PRH1: variants seen among roughly 807,000 people sequenced by gnomAD.
PRH1 encodes salivary acidic proline-rich phosphoprotein 1/2.
Under a neutral mutation model 7.9 loss-of-function variants are expected in PRH1, and 7 were observed. The ratio of observed to expected loss-of-function variants is 0.89; its 90% CI spans 0.50 to 1.67. The LOEUF is 1.67. Among genes scored for constraint, PRH1 ranks in the 40% most tolerant of loss-of-function variants. The pLI, the probability that PRH1 is intolerant of heterozygous loss-of-function variation, is 0.00. For missense variants in PRH1, 109 were observed against 223.6 expected, an observed-to-expected ratio of 0.49 and a Z score of 3.27; for synonymous variants, 45 against 80.8, an observed-to-expected ratio of 0.56 and a Z score of 2.38.
At chr12:10,953,355 C>T (rs1427691628) in intron 2 of PRH1, among the ~76,000 whole-genome samples, 1 of 152,144 alleles carries the variant, frequency 6.6e-6, no homozygotes, top group Non-Finnish European at 1.5e-5. Context: ...TCCAAAGATT[C>T]TGAGGAACGC....
At chr12:11,050,141 A>G (rs189526070), upstream of PRH1, among the ~76,000 whole-genome samples, 1 of 152,108 alleles carries the variant, frequency 6.6e-6, no homozygotes, top group African/African-American at 2.4e-5. Context: ...TAAGACACAC[A>G]CAGAAATATA....
rs1946976475 is a variant in PRH1 at position 11,149,108 on chromosome 12, T to C, written n.39+22314A>G. On this transcript the variant is annotated intron_variant and non_coding_transcript_variant, in intron 1 of 1. Coordinates refer to the PRH1 transcript ENST00000541175. The stretch of plus-strand genomic sequence containing the variant: ...TGTAGTATTCTCTGATGGTAGTTTG[T>C]ATTTCTGTGGGATCGGTGGTGATAT... 1.3e-5 allele frequency among the ~76,000 whole-genome samples: 2 copies of C among 152,016 alleles called. 1 individual carries two copies. Among genetic ancestry groups the C allele is most frequent in the South Asian group, 4.2e-4 (2 of 4,818 alleles).
chr12:10,908,498 C>T, intron 2 of PRH1: 1 of 1,613,920 alleles, frequency 6.2e-7, no homozygotes, highest in Non-Finnish European at 8.5e-7. Context: ...CTCCAATCGT[C>T]TCACAAAGCA....
At chr12:11,078,157 A>G in intron 1 of PRH1, 1 of 552,314 alleles carries the variant, frequency 1.8e-6, no homozygotes, top group South Asian at 1.8e-5. Flanking sequence ...GACATTTACT[A>G]GAGCTATGAA....
At chr12:11,084,571 C>T (rs1004967104) in intron 1 of PRH1, among the ~76,000 whole-genome samples, 2 of 145,788 alleles carry the variant, frequency 1.4e-5, no homozygotes, top group African/African-American at 2.5e-5. Context: ...TATGAAAATT[C>T]CCATTACTTC....
chr12:10,890,256 C>A (rs555218630), intron 2 of PRH1, among the ~76,000 whole-genome samples: 1 of 152,254 alleles, frequency 6.6e-6, no homozygotes, highest in South Asian at 2.1e-4. Flanking sequence ...CTGGGTCAAT[C>A]TCTCTGGCAC....
In PRH1 at chr12:10,923,180, C is replaced by A. The variant is rs57309916; in HGVS notation, c.-58-38905G>T. Among the ~76,000 whole-genome samples the A allele has an allele frequency of 7.3e-3, 1,058 of 144,622 alleles. 12 individuals carry two copies. The highest frequency in any genetic ancestry group is 0.026 in the African/African-American group (994 of 38,948). The allele number at this position is 144,622 out of a possible 152,430, so 94.9% of individuals were successfully genotyped here. A position where few individuals can be genotyped will look rare whatever the true frequency, so the allele number is the denominator to read the frequency against. On this transcript the variant is annotated intron_variant, in intron 2 of 3. Coordinates refer to the PRH1 transcript ENST00000539853. Reference sequence around the variant, plus strand: ...TGCTCTTGTTGCCCAGGCTGGAGTTCAATGGTGTGATCTTGGCTCAGTGCC... The same window carrying A: ...TGCTCTTGTTGCCCAGGCTGGAGTTAAATGGTGTGATCTTGGCTCAGTGCC...
chr12:10,949,692 A>G (rs1475429149), intron 2 of PRH1, among the ~76,000 whole-genome samples: 2 of 152,114 alleles, frequency 1.3e-5, no homozygotes, highest in East Asian at 1.9e-4. Flanking sequence ...CGAACATAAC[A>G]TAGTTATGAA....
chr12:11,052,888 ACT>A (rs536867565), intron 1 of PRH1, among the ~76,000 whole-genome samples: 136 of 150,398 alleles, frequency 9.0e-4, no homozygotes, highest in African/African-American at 2.6e-3. Flanking sequence ...TACTCTTAAC[ACT>A]CTGTTCTTTT....
chr12:10,952,978 G>T (rs530904866), intron 2 of PRH1, among the ~76,000 whole-genome samples: 1 of 152,136 alleles, frequency 6.6e-6, no homozygotes, highest in African/African-American at 2.4e-5. Flanking sequence ...ATGTTGAGGT[G>T]CCAGAGAACA....
At chr12:10,957,253 T>C (rs1938013163) in intron 2 of PRH1, among the ~76,000 whole-genome samples, 1 of 151,636 alleles carries the variant, frequency 6.6e-6, no homozygotes, top group Admixed American at 6.6e-5. Context: ...ACCCGAGAAA[T>C]AATGCCACCC....
At chr12:10,997,974 G>T in intron 1 of PRH1, 1 of 736,230 alleles carries the variant, frequency 1.4e-6, no homozygotes, top group Non-Finnish European at 2.2e-6. Context: ...CTTGATTCCT[G>T]AATGTCCAAT....
At chr12:11,091,765 T>C (rs751636330) in intron 1 of PRH1, 1 of 1,352,290 alleles carries the variant, frequency 7.4e-7, no homozygotes, top group Non-Finnish European at 1.1e-6. Context: ...CAAATTCTTT[T>C]GTCCGCACAA....
chr12:10,930,414 G>C, intron 2 of PRH1: 1 of 1,495,086 alleles, frequency 6.7e-7, no homozygotes, highest in Non-Finnish European at 9.2e-7. Flanking sequence ...TAATATCAGT[G>C]CCCCAGAGAT....
At chr12:11,134,044 A>C in intron 1 of PRH1, 1 of 1,614,140 alleles carries the variant, frequency 6.2e-7, no homozygotes, top group Non-Finnish European at 8.5e-7. Flanking sequence ...ACTGAGTTGC[A>C]TACCAATGTA....
intron 2 of PRH1, among the ~76,000 whole-genome samples, chr12:10,969,481 C>A (rs1938684649): frequency 6.6e-6 from 1 of 152,128 alleles, no homozygotes; most frequent in Admixed American, 6.5e-5. Flanking sequence ...AATTTCCCAG[C>A]CTCCTGCTCC....
At chr12:10,923,887 G>T (rs1950086180) in intron 2 of PRH1, among the ~76,000 whole-genome samples, 1 of 150,004 alleles carries the variant, frequency 6.7e-6, no homozygotes, top group Non-Finnish European at 1.5e-5. Flanking sequence ...CATTGAACTT[G>T]CTTTTACTGT....
intron 1 of PRH1, chr12:11,061,796 T>C (rs746321853): frequency 6.2e-7 from 1 of 1,614,172 alleles, no homozygotes; most frequent in Non-Finnish European, 8.5e-7. Flanking sequence ...CTCCTCAGTT[T>C]GATCTTCCAA....
At chr12:11,001,069 T>G (rs543031865) in intron 1 of PRH1, among the ~76,000 whole-genome samples, 23 of 152,086 alleles carry the variant, frequency 1.5e-4, no homozygotes, top group Non-Finnish European at 2.8e-4. Context: ...TTCCCAAGAC[T>G]TTGGTCACAA....
Sources: gnomAD v4.1 joint callset for allele counts (sites outside exome capture counted in the v4.1 genomes callset) on GRCh38, gnomAD v4.1.1 for gene constraint, MANE v1.5 for transcripts, NCBI Gene and HGNC (gene_info 2026-07-23, HGNC 2026-07-21) for gene names.